CNTNAP3: variants seen among roughly 807,000 people sequenced by gnomAD.
The protein encoded by CNTNAP3 is contactin associated protein family member 3.
In CNTNAP3, 36 loss-of-function variants were observed where a neutral mutation model predicts 92.1. That is an observed-to-expected ratio of 0.39 (90% CI 0.30 to 0.52). The LOEUF is 0.52. CNTNAP3 is among the 20% of genes least tolerant of loss of function. CNTNAP3 has a pLI of 0.76. For synonymous variants in CNTNAP3, 232 were observed against 422.3 expected (o/e 0.55, Z 5.53); for missense variants, 534 against 1,069.6 (o/e 0.50, Z 6.98).
At chr9:39,098,703 TA>T (rs1210151965) in intron 18 of CNTNAP3, among the ~76,000 whole-genome samples, 1 of 152,126 alleles carries the variant, frequency 6.6e-6, no homozygotes, top group Non-Finnish European at 1.5e-5. Flanking sequence ...TCAGGAATGA[TA>T]AAAGACACAT....
At chr9:39,102,804 G>C (rs1287419859) in intron 16 of CNTNAP3, 89 bp from the exon 17 acceptor site, 4 of 1,171,268 alleles carry the variant, frequency 3.4e-6, no homozygotes, top group Non-Finnish European at 3.7e-6. Flanking sequence ...GGCACGCTCA[G>C]GATGGAAGGA....
Position 39,100,017 on chromosome 9 carries a change from G to T in CNTNAP3, c.2889C>A (p.Ser963Arg), listed in dbSNP as rs375952387. The T allele has an allele frequency of 1.0e-5, 16 of 1,590,474 alleles. No homozygotes were observed. The African/African-American group carries it at 1.1e-4, about 11-fold the overall frequency. The part of the protein sequence containing the change: ...GVEPGCAGHC[S>R]TYGHLCRNGG... ...CATTGCGACACAAGTGTCCATAGGTGCTGCAGTGTCCTGCACACCCTGGCT... is the reference window on the plus strand; with the variant it reads ...CATTGCGACACAAGTGTCCATAGGTTCTGCAGTGTCCTGCACACCCTGGCT... The change falls in exon 18 of 24, where the codon AGC (serine) becomes AGA (arginine). Residue 963 changes from serine to arginine, a missense_variant. By Grantham distance (110) the Ser-to-Arg change is moderately radical (BLOSUM62 -1). Transcript: ENST00000297668.
At chr9:39,146,346 C>A (rs1160854883) in intron 10 of CNTNAP3, among the ~76,000 whole-genome samples, 1 of 152,010 alleles carries the variant, frequency 6.6e-6, no homozygotes, top group African/African-American at 2.4e-5. Flanking sequence ...GTATACAGGG[C>A]AAACCTTAAA....
At chr9:39,121,664 T>C (rs1459283161) in intron 13 of CNTNAP3, among the ~76,000 whole-genome samples, 1 of 152,008 alleles carries the variant, frequency 6.6e-6, no homozygotes, top group African/African-American at 2.4e-5. Flanking sequence ...GCTACAGAGA[T>C]TGAAAACTCC....
Position 39,068,549 on chromosome 9 carries a change from C to A in CNTNAP3, c.*5341G>T, listed in dbSNP as rs898199455. Among the ~76,000 whole-genome samples the A allele has an allele frequency of 6.6e-6, 1 of 152,306 alleles. No homozygotes were observed. The highest frequency in any genetic ancestry group is 2.4e-5 in the African/African-American group (1 of 41,486). On this transcript the variant is annotated 3_prime_UTR_variant, in exon 24 of 24. Transcript: ENST00000297668. Reference sequence around the variant, plus strand: ...AAGGTTGATAAATGCCGCTGTAATTCTTTTGAGTGTTTCTTTCCCTTGCCT... The same window carrying A: ...AAGGTTGATAAATGCCGCTGTAATTATTTTGAGTGTTTCTTTCCCTTGCCT...
At chr9:39,091,634 A>C (rs1301709951) in intron 18 of CNTNAP3, among the ~76,000 whole-genome samples, 1 of 151,856 alleles carries the variant, frequency 6.6e-6, no homozygotes, top group Non-Finnish European at 1.5e-5. Flanking sequence ...CTATCTACTT[A>C]AATGATATTG....
intron 10 of CNTNAP3, among the ~76,000 whole-genome samples, chr9:39,145,021 T>C (rs879129350): frequency 1.4e-5 from 2 of 138,532 alleles, no homozygotes; most frequent in Non-Finnish European, 3.2e-5. Context: ...GACCCTGAAC[T>C]AGCCAAAACA....
intron 18 of CNTNAP3, among the ~76,000 whole-genome samples, chr9:39,097,121 CTT>C (rs956275534): frequency 1.3e-5 from 2 of 152,006 alleles, no homozygotes; most frequent in African/African-American, 2.4e-5. Context: ...TTTGCTGACT[CTT>C]TTTTCTTTTC....
At chr9:39,113,330 A>T (rs1820755086) in intron 14 of CNTNAP3, among the ~76,000 whole-genome samples, 1 of 152,022 alleles carries the variant, frequency 6.6e-6, no homozygotes, top group South Asian at 2.1e-4. Flanking sequence ...TAATTTTGTA[A>T]TTTTTTCCAT....
intron 12 of CNTNAP3, among the ~76,000 whole-genome samples, chr9:39,134,750 T>C (rs1037467402): frequency 6.6e-6 from 1 of 152,194 alleles, no homozygotes; most frequent in African/African-American, 2.4e-5. Flanking sequence ...TTTTACAACC[T>C]GGTGTTACTC....
intron 18 of CNTNAP3, among the ~76,000 whole-genome samples, chr9:39,099,417 T>A (rs1258535647): frequency 6.6e-6 from 1 of 152,188 alleles, no homozygotes; most frequent in Non-Finnish European, 1.5e-5. Flanking sequence ...TATGCTTGTT[T>A]TATAAGAAAA....
intron 21 of CNTNAP3, among the ~76,000 whole-genome samples, chr9:39,084,037 A>G (rs919806640): frequency 1.5e-4 from 23 of 151,988 alleles, no homozygotes; most frequent in Middle Eastern, 3.4e-3. Flanking sequence ...GCATAATAAT[A>G]AATTAGGCTG....
chr9:39,146,638 G>A lies in CNTNAP3; in HGVS notation c.1650-2292C>T, dbSNP rs545402281. Among the ~76,000 whole-genome samples the A allele has an allele frequency of 5.6e-3, 847 of 152,250 alleles. 5 individuals carry two copies. The highest frequency in any genetic ancestry group is 8.6e-3 in the Non-Finnish European group (582 of 68,010). On this transcript the variant is annotated intron_variant, in intron 10 of 23. Transcript: ENST00000297668. Reference sequence around the variant, plus strand: ...CAGGAGGCGGAGCTTGCAGTGAGCCGAGATCGTGCCACTGCACTCCAGCCT... The same window carrying A: ...CAGGAGGCGGAGCTTGCAGTGAGCCAAGATCGTGCCACTGCACTCCAGCCT...
chr9:39,144,180 T>C, intron 11 of CNTNAP3, 60 bp downstream of exon 11: 1 of 1,482,106 alleles, frequency 6.7e-7, no homozygotes, highest in South Asian at 1.4e-5. Flanking sequence ...TATAAACAAC[T>C]AATCAAAATG....
intron 12 of CNTNAP3, among the ~76,000 whole-genome samples, chr9:39,139,419 T>A (rs1821518483): frequency 6.6e-6 from 1 of 152,246 alleles, no homozygotes; most frequent in African/African-American, 2.4e-5. Context: ...AGCACATTGC[T>A]GTGCAGGTGG....
chr9:39,086,142 C>A, intron 20 of CNTNAP3: 2 of 434,526 alleles, frequency 4.6e-6, no homozygotes, highest in Non-Finnish European at 4.2e-6. Flanking sequence ...TAAATATGTA[C>A]TCATTCTGTG....
At chr9:39,078,023 C>T (rs546337435) in intron 23 of CNTNAP3, among the ~76,000 whole-genome samples, 38 of 152,314 alleles carry the variant, frequency 2.5e-4, no homozygotes, top group Admixed American at 2.0e-3. Context: ...ACGGCCAATA[C>T]GGAGAAACCC....
At chr9:39,082,678 T>C (rs1410502738) in intron 21 of CNTNAP3, among the ~76,000 whole-genome samples, 2 of 152,294 alleles carry the variant, frequency 1.3e-5, no homozygotes, top group African/African-American at 2.4e-5. Flanking sequence ...GATAAGGTCA[T>C]GACCCCCTCC....
chr9:39,137,604 C>T (rs929887279), intron 12 of CNTNAP3, among the ~76,000 whole-genome samples: 3 of 152,074 alleles, frequency 2.0e-5, no homozygotes, highest in African/African-American at 4.8e-5. Flanking sequence ...GCTCCGCCTC[C>T]CGGATTCATG....
Sources: gnomAD v4.1 joint callset for allele counts (sites outside exome capture counted in the v4.1 genomes callset) on GRCh38, gnomAD v4.1.1 for gene constraint, MANE v1.5 for transcripts, NCBI Gene and HGNC (gene_info 2026-07-23, HGNC 2026-07-21) for gene names.